Variants in NUP37 observed in about 807,000 individuals in gnomAD.
NUP37 encodes the protein nucleoporin Nup37.
A neutral mutation model predicts 45.4 loss-of-function variants in NUP37; 33 were observed. The observed-to-expected ratio is 0.73, with a 90% confidence interval of 0.55 to 0.97. NUP37 has a LOEUF of 0.97. Ranked by LOEUF, NUP37 falls within the 50% of genes least tolerant of loss-of-function variation. The probability of loss-of-function intolerance (pLI) is 0.00; values close to 1 mark genes in which losing one functional copy is unlikely to be tolerated. For synonymous variants in NUP37, 127 were observed against 130.7 expected (o/e 0.97, Z 0.19); for missense variants, 365 against 389.7 (o/e 0.94, Z 0.53).
At chr12:102,106,359 G>A (rs945600004) in intron 3 of NUP37, among the ~76,000 whole-genome samples, 9 of 152,182 alleles carry the variant, frequency 5.9e-5, no homozygotes, top group Non-Finnish European at 1.2e-4. Flanking sequence ...CTTAACAGAT[G>A]TTGAGTATCA....
chr12:102,090,200 C>T (rs548803934), intron 5 of NUP37, among the ~76,000 whole-genome samples: 2 of 152,104 alleles, frequency 1.3e-5, no homozygotes, highest in African/African-American at 4.8e-5. Flanking sequence ...TACAGCTTTT[C>T]AGGTGCTCTT....
At chr12:102,112,846 T>C (rs1880357291) in intron 2 of NUP37, among the ~76,000 whole-genome samples, 1 of 152,250 alleles carries the variant, frequency 6.6e-6, no homozygotes, top group Admixed American at 6.5e-5. Flanking sequence ...TGTGGCATTA[T>C]ATGTGTGTAA....
intron 2 of NUP37, among the ~76,000 whole-genome samples, chr12:102,115,119 T>C (rs1176817922): frequency 6.6e-6 from 1 of 152,242 alleles, no homozygotes; most frequent in Non-Finnish European, 1.5e-5. Context: ...AATACCTCTT[T>C]CACAGTTTTA....
chr12:102,107,557 A>C (rs921182585), intron 3 of NUP37, among the ~76,000 whole-genome samples: 1 of 152,342 alleles, frequency 6.6e-6, no homozygotes, highest in East Asian at 1.9e-4. Context: ...GCACATGGAC[A>C]TTATGATATA....
intron 5 of NUP37, among the ~76,000 whole-genome samples, chr12:102,094,460 G>A (rs1376258928): frequency 6.6e-6 from 1 of 151,894 alleles, no homozygotes; most frequent in Non-Finnish European, 1.5e-5. Flanking sequence ...TTTCCCACAA[G>A]GACTATTTTT....
intron 9 of NUP37, 110 bp downstream of exon 9, chr12:102,074,891 G>A (rs1422998319): frequency 1.3e-5 from 7 of 557,154 alleles, no homozygotes; most frequent in South Asian, 3.7e-5. Context: ...GATAACAAAC[G>A]TAAATGTCTT....
At chr12:102,117,719 C>T (rs1473051393) in intron 2 of NUP37, among the ~76,000 whole-genome samples, 1 of 152,010 alleles carries the variant, frequency 6.6e-6, no homozygotes, top group African/African-American at 2.4e-5. Context: ...TTTACATATA[C>T]TAAAATTCAA....
intron 3 of NUP37, among the ~76,000 whole-genome samples, chr12:102,102,158 T>G (rs186877562): frequency 1.4e-3 from 212 of 152,350 alleles, no homozygotes; most frequent in African/African-American, 4.9e-3. Context: ...AATTCTTTGG[T>G]AGAAAGAGTA....
intron 3 of NUP37, among the ~76,000 whole-genome samples, chr12:102,101,428 TAAAAGG>T (rs1176734884): frequency 6.6e-6 from 1 of 152,188 alleles, no homozygotes; most frequent in East Asian, 1.9e-4. Context: ...CTTAAAAGCA[TAAAAGG>T]ATGGATTTTA....
At chr12:102,097,110 T>C (rs993060831) in intron 5 of NUP37, among the ~76,000 whole-genome samples, 1 of 152,146 alleles carries the variant, frequency 6.6e-6, no homozygotes, top group African/African-American at 2.4e-5. Flanking sequence ...GCTCATCTCA[T>C]AGCAAATGAC....
chr12:102,080,713 A>G (rs551245350), intron 6 of NUP37, among the ~76,000 whole-genome samples: 1 of 152,330 alleles, frequency 6.6e-6, no homozygotes, highest in Admixed American at 6.5e-5. Context: ...ATTTGAATCC[A>G]GGTCTGTTTA....
intron 7 of NUP37, 171 bp downstream of exon 7, chr12:102,077,151 T>C (rs1879193733): frequency 1.5e-6 from 1 of 683,032 alleles, no homozygotes; most frequent in Non-Finnish European, 2.5e-6. Flanking sequence ...AGAGTAAATC[T>C]GCATAGCAAG....
At position 102,087,275 on chromosome 12, in the gene NUP37, A is replaced by G. The variant is rs564564807; in HGVS notation, c.450-1419T>C. 2.5e-3 allele frequency among the ~76,000 whole-genome samples: 388 copies of G among 152,364 alleles called. 2 individuals carry two copies. Among genetic ancestry groups the G allele is most frequent in the Middle Eastern group, 3.4e-3 (1 of 294 alleles). On this transcript the variant is annotated intron_variant, in intron 5 of 9. Transcript: ENST00000552283. ...GGCAAAAATTTATTTCAAAGAAAGT[A>G]GAGTATGTATTGGACAATGCTACTA...
At chr12:102,111,857 G>C (rs553716006) in intron 3 of NUP37, among the ~76,000 whole-genome samples, 19 of 152,326 alleles carry the variant, frequency 1.2e-4, no homozygotes, top group Non-Finnish European at 2.5e-4. Context: ...TGATTCAGAT[G>C]AATCTCACGT....
At chr12:102,085,357 G>A (rs1235189754) in intron 6 of NUP37, among the ~76,000 whole-genome samples, 1 of 152,046 alleles carries the variant, frequency 6.6e-6, no homozygotes, top group Non-Finnish European at 1.5e-5. Context: ...GGGAGGCGGA[G>A]GCTGCAATGA....
chr12:102,074,704 C>G, intron 9 of NUP37: 1 of 444,550 alleles, frequency 2.2e-6, no homozygotes, highest in Non-Finnish European at 3.9e-6. Context: ...TCTACACCAA[C>G]CAAACAAGCA....
chr12:102,101,505 C>T (rs139203126), intron 3 of NUP37, among the ~76,000 whole-genome samples: 314 of 152,160 alleles, frequency 2.1e-3, no homozygotes, highest in Admixed American at 6.1e-3. Flanking sequence ...TATACATCTA[C>T]CTTAGTCTTT....
At position 102,110,515 on chromosome 12, in the gene NUP37, TAA is replaced by T. The variant is rs201584832; in HGVS notation, c.281+1591_281+1592del. ...AGAGTGAGACCATGTACCAAAAAAA[TAA>T]AAAAAAAAAAAAGAAAGATTGACAA... On this transcript the variant is annotated intron_variant, in intron 3 of 9. Coordinates refer to ENST00000552283, the MANE Select transcript of NUP37 (RefSeq NM_024057.4). Among the ~76,000 whole-genome samples, 236 of 127,882 alleles carry T rather than the reference TAA, an allele frequency of 1.8e-3. 1 individual carries two copies. Among genetic ancestry groups the T allele is most frequent in the African/African-American group, 5.6e-3 (194 of 34,740 alleles). 83.9% of individuals were successfully genotyped at this position (127,882 alleles called of 152,430 possible).
chr12:102,076,555 T>A (rs991465031), intron 8 of NUP37, among the ~76,000 whole-genome samples: 1 of 151,582 alleles, frequency 6.6e-6, no homozygotes, highest in South Asian at 2.1e-4. Context: ...ATTGTAGGGG[T>A]GGTAGTGGTG....
Sources: allele counts gnomAD v4.1 joint callset (sites outside exome capture counted in the v4.1 genomes callset), GRCh38; gene constraint gnomAD v4.1.1; transcripts MANE v1.5; gene names NCBI Gene and HGNC (gene_info 2026-07-23, HGNC 2026-07-21).